The following MLPH variants were observed in gnomAD, a reference collection of about 807,000 sequenced individuals.
The protein encoded by MLPH is melanophilin.
A neutral mutation model predicts 72.1 loss-of-function variants in MLPH; 51 were observed. That is an observed-to-expected ratio of 0.71 (90% CI 0.56 to 0.89). The LOEUF (loss-of-function observed/expected upper bound fraction) is 0.89, where lower values mean the gene tolerates loss of function less well. Ranked by LOEUF, MLPH falls within the 40% of genes least tolerant of loss-of-function variation. The pLI, the probability that MLPH is intolerant of heterozygous loss-of-function variation, is 0.00. For missense variants in MLPH, 743 were observed against 759.9 expected (o/e 0.98, Z 0.26); for synonymous variants, 301 against 310.1 (o/e 0.97, Z 0.31).
At chr2:237,499,743 T>C (rs1329931222) in intron 2 of MLPH, among the ~76,000 whole-genome samples, 1 of 151,408 alleles carries the variant, frequency 6.6e-6, no homozygotes, top group African/African-American at 2.4e-5. Flanking sequence ...CCCATTTTAC[T>C]TTTTTTTTGT....
chr2:237,492,462 TA>T lies in MLPH; in HGVS notation c.-24-924del, dbSNP rs397961915. ...GGGCTGCATAGTGAGAACTCGTCTC[TA>T]AAAAAAAAAAAAAAAATTAAGTAAA... is the stretch of plus-strand genomic sequence containing the variant. On this transcript the variant is annotated intron_variant, in intron 1 of 15. Transcript: ENST00000264605. 8.3e-3 allele frequency among the ~76,000 whole-genome samples: 1,096 copies of T among 132,126 alleles called. 11 individuals carry two copies. Among genetic ancestry groups the T allele is most frequent in the Admixed American group, 0.039 (521 of 13,472 alleles). The allele number at this position is 132,126 out of a possible 152,430, so 86.7% of individuals were successfully genotyped here. A position where few individuals can be genotyped will look rare whatever the true frequency, so the allele number is the denominator to read the frequency against.
intron 9 of MLPH, among the ~76,000 whole-genome samples, chr2:237,536,399 C>A (rs886827107): frequency 6.6e-6 from 1 of 152,184 alleles, no homozygotes; most frequent in Non-Finnish European, 1.5e-5. Flanking sequence ...TCCTGCAGTA[C>A]CCCTGCAAGG....
chr2:237,489,117 G>T (rs1475509017), intron 1 of MLPH, among the ~76,000 whole-genome samples: 1 of 152,224 alleles, frequency 6.6e-6, no homozygotes, highest in African/African-American at 2.4e-5. Flanking sequence ...CAGGTGGCTG[G>T]GCTGGCTGTG....
At chr2:237,532,513 G>A (rs539607521) in intron 8 of MLPH, among the ~76,000 whole-genome samples, 3 of 152,348 alleles carry the variant, frequency 2.0e-5, no homozygotes, top group Non-Finnish European at 2.9e-5. Flanking sequence ...GTGTGTGCTC[G>A]GGCTACAGAC....
At position 237,527,252 on chromosome 2, in the gene MLPH, C is replaced by A. The variant is rs1277099006; in HGVS notation, c.881-125C>A. On this transcript the variant is annotated intron_variant, in intron 7 of 15. Coordinates refer to ENST00000264605, the MANE Select transcript of MLPH (RefSeq NM_024101.7). The stretch of plus-strand genomic sequence containing the variant: ...CTTATTGTGACTTTGGAACCTCAGC[C>A]CTGTAACATGAACATCCTTATGTCT... 4.1e-6 allele frequency: 5 copies of A among 1,207,366 alleles called. No individual in the cohort carries two copies. In the Admixed American group the frequency reaches 8.8e-5, roughly 21 times the overall value. 74.8% of individuals were successfully genotyped at this position (1,207,366 alleles called of 1,614,324 possible). A position where few individuals can be genotyped will look rare whatever the true frequency, so the allele number is the denominator to read the frequency against.
Position 237,541,499 on chromosome 2 carries a change from G to T in MLPH, c.1446+542G>T, listed in dbSNP as rs568266000. Among the ~76,000 whole-genome samples the T allele has an allele frequency of 2.0e-5, 3 of 152,288 alleles. No individual in the cohort carries two copies. In the East Asian group the frequency reaches 5.8e-4, roughly 29 times the overall value. ...ACAGAGAGGAGAGGGGGTGCCTCTC[G>T]GACTGTGAGGACAGCCAGCCCCCAC... On this transcript the variant is annotated intron_variant, in intron 11 of 15. Coordinates refer to ENST00000264605, the MANE Select transcript of MLPH (RefSeq NM_024101.7). This position sits in a 1 kb window ranked among gnomAD's most constrained non-coding sequence, Gnocchi z 5.1.
At chr2:237,529,212 T>A (rs2080369585) in intron 8 of MLPH, among the ~76,000 whole-genome samples, 1 of 152,052 alleles carries the variant, frequency 6.6e-6, no homozygotes, top group African/African-American at 2.4e-5. Context: ...CCGGCTAATT[T>A]TTGTATTTTT....
Position 237,525,789 on chromosome 2 carries a change from G to C in MLPH, c.864G>C (p.Gly288=), listed in dbSNP as rs903544062. 1 of 1,612,696 alleles carries C rather than the reference G, an allele frequency of 6.2e-7. No homozygotes were observed. Among genetic ancestry groups the C allele is most frequent in the Non-Finnish European group, 8.5e-7 (1 of 1,180,038 alleles). ...PPGGSHRMAL[G]TAAALGSNVI... ...GAGGCTCCCACAGGATGGCCCTGGGGACTGCTGCTGCACTCGGTAGGTGCC... is the reference window on the plus strand; with the variant it reads ...GAGGCTCCCACAGGATGGCCCTGGGCACTGCTGCTGCACTCGGTAGGTGCC... Residue 288 remains glycine (G), a synonymous_variant, in exon 7 of 16, where the codon GGG becomes GGC. Coordinates refer to ENST00000264605, the MANE Select transcript of MLPH (RefSeq NM_024101.7).
At chr2:237,517,975 GTGGA>G in intron 4 of MLPH, 1 of 213,766 alleles carries the variant, frequency 4.7e-6, no homozygotes, top group Non-Finnish European at 9.5e-6. Flanking sequence ...GATTGATTGA[GTGGA>G]TGGATGGATA....
At chr2:237,511,827 A>T (rs1343716168) in intron 4 of MLPH, among the ~76,000 whole-genome samples, 1 of 152,200 alleles carries the variant, frequency 6.6e-6, no homozygotes, top group African/African-American at 2.4e-5. Context: ...CGCCTGTAAG[A>T]TCCCCCATAA....
intron 6 of MLPH, among the ~76,000 whole-genome samples, chr2:237,521,057 G>A (rs1408775814): frequency 6.6e-6 from 1 of 152,192 alleles, no homozygotes. Context: ...TTGTTTGGGG[G>A]AATGAAGCAG....
rs1356006558 is a variant in MLPH at position 237,541,624 on chromosome 2, TG to T, written c.1446+669del. ...TGTTCAAGGGGAGCGAGTCAGGCTC[TG>T]GACTTTCCCTTCATGTATTCCTTCT... On this transcript the variant is annotated intron_variant, in intron 11 of 15. Coordinates refer to ENST00000264605, the MANE Select transcript of MLPH (RefSeq NM_024101.7). This position sits in a 1 kb window ranked among gnomAD's most constrained non-coding sequence, Gnocchi z 5.1. 2.6e-5 allele frequency among the ~76,000 whole-genome samples: 4 copies of T among 152,366 alleles called. No homozygotes were observed. The East Asian group carries it at 7.7e-4, about 29-fold the overall frequency.
At chr2:237,535,374 G>A (rs2080510303) in intron 9 of MLPH, among the ~76,000 whole-genome samples, 1 of 152,026 alleles carries the variant, frequency 6.6e-6, no homozygotes, top group African/African-American at 2.4e-5. Context: ...ATTGCACTGG[G>A]GATCGAGTTC....
chr2:237,528,759 G>C (rs2080358633), intron 8 of MLPH, among the ~76,000 whole-genome samples: 1 of 152,122 alleles, frequency 6.6e-6, no homozygotes, highest in South Asian at 2.1e-4. Context: ...TTACTTCCCA[G>C]TCTCCCTTGT....
chr2:237,545,587 G>T (rs1385226285), intron 12 of MLPH: 2 of 1,287,548 alleles, frequency 1.6e-6, no homozygotes, highest in African/African-American at 3.0e-5. Flanking sequence ...GCCGCCACGT[G>T]AAGATGGATG....
Position 237,510,657 on chromosome 2 carries a change from C to T in MLPH, c.194C>T (p.Ala65Val), listed in dbSNP as rs1187396156. Residue 65 changes from alanine (A) to valine (V), a missense_variant, in exon 3 of 16, where the codon GCC becomes GTC. By Grantham distance (64) the Ala-to-Val change is moderately conservative (BLOSUM62 0). Coordinates refer to ENST00000264605, the MANE Select transcript of MLPH (RefSeq NM_024101.7). This position sits in a 1 kb window ranked among gnomAD's most constrained non-coding sequence, Gnocchi z 4.4. ...GCCCATCTGAACGAGACCCACTGCG[C>T]CCGCTGCCTGCAGCCCTACCAGCTG... ...DTAHLNETHCARCLQPYQLLV... is the reference protein window; with the variant it reads ...DTAHLNETHCVRCLQPYQLLV... 1.2e-6 allele frequency: 2 copies of T among 1,613,704 alleles called. No individual in the cohort carries two copies. The highest frequency in any genetic ancestry group is 1.7e-6 in the Non-Finnish European group (2 of 1,180,056).
chr2:237,541,314 C>T lies in MLPH; in HGVS notation c.1446+357C>T, dbSNP rs951144665. Among the ~76,000 whole-genome samples the T allele has an allele frequency of 1.5e-4, 23 of 152,156 alleles. No individual in the cohort carries two copies. Among genetic ancestry groups the T allele is most frequent in the Non-Finnish European group, 2.5e-4 (17 of 68,034 alleles). On this transcript the variant is annotated intron_variant, in intron 11 of 15. Coordinates refer to ENST00000264605, the MANE Select transcript of MLPH (RefSeq NM_024101.7). The surrounding 1 kb of genome is among the most constrained non-coding windows in gnomAD (Gnocchi z 5.1). ...CCAGACCTCAGCACTGGACTCTGTCCGGAGGGCCATCTGTGAGTCTGAGTT... is the reference window on the plus strand; with the variant it reads ...CCAGACCTCAGCACTGGACTCTGTCTGGAGGGCCATCTGTGAGTCTGAGTT...
At chr2:237,513,144 A>T (rs569728261) in intron 4 of MLPH, among the ~76,000 whole-genome samples, 2 of 151,934 alleles carry the variant, frequency 1.3e-5, no homozygotes, top group East Asian at 1.9e-4. Context: ...CTTAAGGTTA[A>T]TGTTTTGAAA....
chr2:237,502,166 G>A (rs1054365104), intron 2 of MLPH, among the ~76,000 whole-genome samples: 8 of 152,196 alleles, frequency 5.3e-5, no homozygotes, highest in African/African-American at 1.9e-4. Flanking sequence ...CTCATCTTGA[G>A]TGTTTTAGAT....
Sources: gnomAD v4.1 joint callset for allele counts (sites outside exome capture counted in the v4.1 genomes callset) on GRCh38, gnomAD v4.1.1 for gene constraint, Gnocchi (gnomAD v3.1) non-coding constraint, MANE v1.5 for transcripts, NCBI Gene and HGNC (gene_info 2026-07-23, HGNC 2026-07-21) for gene names.